PCDHGA4: variants seen among roughly 807,000 people sequenced by gnomAD.
PCDHGA4 encodes the protein protocadherin gamma-A4.
PCDHGA4 carries 38 observed loss-of-function variants against 54.6 expected under a neutral mutation model. The observed-to-expected ratio is 0.70, with a 90% CI of 0.54 to 0.91. The LOEUF (loss-of-function observed/expected upper bound fraction) is 0.91. Among genes scored for constraint, PCDHGA4 ranks in the 40% least tolerant of loss-of-function variants. PCDHGA4 has a pLI of 0.00. For synonymous variants in PCDHGA4, 511 were observed against 512.9 expected (o/e 1.00, Z 0.05); for missense variants, 1,298 against 1,220.9 (o/e 1.06, Z -0.94).
chr5:141,361,602 C>T, intron 1 of PCDHGA4: 1 of 1,614,054 alleles, frequency 6.2e-7, no homozygotes. Context: ...AAGTTTCCTA[C>T]TCCATCGTAG....
intron 1 of PCDHGA4, chr5:141,414,780 G>A (rs2095787223): frequency 1.2e-6 from 2 of 1,614,232 alleles, no homozygotes; most frequent in Non-Finnish European, 1.7e-6. Context: ...TACAGATGCA[G>A]GTGACAGCCA....
At position 141,373,421 on chromosome 5, in the gene PCDHGA4, G is replaced by A. The variant is rs139166526; in HGVS notation, c.2514+15800G>A. The stretch of plus-strand genomic sequence containing the variant: ...GCCTGTAGTCCCAGCTACTCGGGAG[G>A]CTGAGGTGGGAGGATCCCTTGATCC... On this transcript the variant is annotated intron_variant, in intron 1 of 3. Transcript: ENST00000571252. 4.0e-3 allele frequency among the ~76,000 whole-genome samples: 615 copies of A among 152,344 alleles called. 6 individuals carry two copies. The highest frequency in any genetic ancestry group is 0.011 in the Admixed American group (171 of 15,306).
intron 1 of PCDHGA4, chr5:141,423,755 G>T (rs1236551808): frequency 9.8e-6 from 5 of 512,508 alleles, no homozygotes; most frequent in Non-Finnish European, 1.3e-5. Flanking sequence ...CTGTTTGGGG[G>T]GGGGGTGGGG....
In PCDHGA4 at chr5:141,486,184, A is replaced by G. The variant is rs2099625756; in HGVS notation, c.2515-8623A>G. 8 of 1,614,014 alleles carry G rather than the reference A, an allele frequency of 5.0e-6. No homozygotes were observed. Among genetic ancestry groups the G allele is most frequent in the Non-Finnish European group, 6.8e-6 (8 of 1,180,026 alleles). On this transcript the variant is annotated intron_variant, in intron 1 of 3. Transcript: ENST00000571252. This position sits in a 1 kb window ranked among gnomAD's most constrained non-coding sequence, Gnocchi z 5.0. ...CCATGGAGCAACATTGCAGCCTTCG[A>G]GTGGATCTGCTGGACGTAAATGACA...
intron 1 of PCDHGA4, chr5:141,389,423 C>T: frequency 1.9e-6 from 3 of 1,613,516 alleles, no homozygotes; most frequent in Admixed American, 1.7e-5. Context: ...GGGTGGTGTT[C>T]GCGCAGCGCG....
chr5:141,394,329 T>C (rs769172287), intron 1 of PCDHGA4: 6 of 1,613,980 alleles, frequency 3.7e-6, no homozygotes, highest in Non-Finnish European at 5.1e-6. Context: ...CTCGTATATC[T>C]CCATCAACTC....
At chr5:141,393,971 A>G (rs769025757) in intron 1 of PCDHGA4, 3 of 1,613,904 alleles carry the variant, frequency 1.9e-6, no homozygotes, top group Non-Finnish European at 2.5e-6. Flanking sequence ...TCTGTTACAC[A>G]CGTGATAATT....
rs1416883218 is a variant in PCDHGA4, at chr5:141,428,027, G to A, written c.2515-66780G>A. On this transcript the variant is annotated intron_variant, in intron 1 of 3. Coordinates refer to ENST00000571252, the MANE Select transcript of PCDHGA4 (RefSeq NM_018917.4). ...TCGATATAGTGCCACGCGCCGCAGAGTCCGGCTACCTGGTGACCAAGGTGG... is the reference window on the plus strand; with the variant it reads ...TCGATATAGTGCCACGCGCCGCAGAATCCGGCTACCTGGTGACCAAGGTGG... 1.9e-6 allele frequency: 3 copies of A among 1,606,742 alleles called. No homozygotes were observed. The Admixed American group carries it at 5.0e-5, about 27-fold the overall frequency.
At chr5:141,425,381 A>C (rs1374877185) in intron 1 of PCDHGA4, among the ~76,000 whole-genome samples, 3 of 152,194 alleles carry the variant, frequency 2.0e-5, no homozygotes, top group African/African-American at 7.2e-5. Flanking sequence ...GTTGATTCGG[A>C]GGTAGTGATA....
chr5:141,370,709 A>G lies in PCDHGA4; in HGVS notation c.2514+13088A>G, dbSNP rs759693672. On this transcript the variant is annotated intron_variant, in intron 1 of 3. Coordinates refer to ENST00000571252, the MANE Select transcript of PCDHGA4 (RefSeq NM_018917.4). ...GCAAGAAGTCGACGTGTGTTCTGGA[A>G]TTTGAAATGGTTGCTGAAAAGCCTT... 3 of 1,613,738 alleles carry G rather than the reference A, an allele frequency of 1.9e-6. No individual in the cohort carries two copies. The African/African-American group carries it at 4.0e-5, about 22-fold the overall frequency.
Position 141,438,619 on chromosome 5 carries a change from T to C in PCDHGA4, c.2515-56188T>C, listed in dbSNP as rs1053855444. Reference sequence around the variant, plus strand: ...ATATATATATATATATATATATATATATATATATATATATATACACACACA... The same window carrying C: ...ATATATATATATATATATATATATACATATATATATATATATACACACACA... On this transcript the variant is annotated intron_variant, in intron 1 of 3. Transcript: ENST00000571252. 1.0e-4 allele frequency among the ~76,000 whole-genome samples: 4 copies of C among 39,678 alleles called. No homozygotes were observed. The East Asian group carries it at 2.5e-3, about 25-fold the overall frequency. The allele number at this position is 39,678 out of a possible 152,430, so 26.0% of individuals were successfully genotyped here.
At position 141,476,001 on chromosome 5, in the gene PCDHGA4, C is replaced by A. The variant is rs989369008; in HGVS notation, c.2515-18806C>A. On this transcript the variant is annotated intron_variant, in intron 1 of 3. Coordinates refer to ENST00000571252, the MANE Select transcript of PCDHGA4 (RefSeq NM_018917.4). This position sits in a 1 kb window ranked among gnomAD's most constrained non-coding sequence, Gnocchi z 7.6. ...CAGCCGGCGAGCAAATCAACGGCAT[C>A]CAGAAAGCCATGTCGGACTCGGCGC... The A allele has an allele frequency of 5.7e-5, 70 of 1,235,226 alleles. No homozygotes were observed. In the Middle Eastern group the frequency reaches 8.6e-4, roughly 15 times the overall value. The allele number at this position is 1,235,226 out of a possible 1,614,324, so 76.5% of individuals were successfully genotyped here. A position where few individuals can be genotyped will look rare whatever the true frequency, so the allele number is the denominator to read the frequency against.
chr5:141,472,980 C>CAAAAAAAAAAAAAAA (rs60579131), intron 1 of PCDHGA4, among the ~76,000 whole-genome samples: 13 of 86,076 alleles, frequency 1.5e-4, no homozygotes, highest in African/African-American at 1.9e-4. Context: ...GAGTGAAACT[C>CAAAAAAAAAAAAAAA]AAAAAAAAAA....
At chr5:141,415,473 C>T in intron 1 of PCDHGA4, 2 of 1,614,224 alleles carry the variant, frequency 1.2e-6, no homozygotes, top group Non-Finnish European at 1.7e-6. Flanking sequence ...TCACCGCGGA[C>T]TCGCGAAAGA....
intron 1 of PCDHGA4, chr5:141,376,624 A>C (rs1350295838): frequency 7.4e-6 from 10 of 1,343,058 alleles, no homozygotes; most frequent in Non-Finnish European, 9.1e-6. Context: ...TTGGTACAGG[A>C]AGATTCGTGA....
At chr5:141,430,841 T>C (rs757539834) in intron 1 of PCDHGA4, 1 of 1,566,462 alleles carries the variant, frequency 6.4e-7, no homozygotes, top group South Asian at 1.2e-5. Flanking sequence ...GGAGACCGGA[T>C]GCACCCAGAT....
rs1432960207 is a variant in PCDHGA4, at chr5:141,477,648, C to A, written c.2515-17159C>A. On this transcript the variant is annotated intron_variant, in intron 1 of 3. Coordinates refer to ENST00000571252, the MANE Select transcript of PCDHGA4 (RefSeq NM_018917.4). This position sits in a 1 kb window ranked among gnomAD's most constrained non-coding sequence, Gnocchi z 4.9. ...ACCGGGCTAGTGGGTCGCTATTTCA[C>A]AATAAATCGTGACAATGGCATAGTG... is the stretch of plus-strand genomic sequence containing the variant. 7 of 1,614,046 alleles carry A rather than the reference C, an allele frequency of 4.3e-6. No homozygotes were observed. Among genetic ancestry groups the A allele is most frequent in the Non-Finnish European group, 5.9e-6 (7 of 1,180,044 alleles).
chr5:141,440,883 T>C (rs1435173649), intron 1 of PCDHGA4: 4 of 152,178 alleles, frequency 2.6e-5, no homozygotes, highest in Non-Finnish European at 5.9e-5. Flanking sequence ...AGCGTCGGCC[T>C]TCAGGAAGAT....
intron 1 of PCDHGA4, chr5:141,374,678 A>C (rs753625335): frequency 1.2e-6 from 2 of 1,610,496 alleles, no homozygotes; most frequent in Admixed American, 1.7e-5. Flanking sequence ...GCTGGAGGGC[A>C]CACTGGACCG....
Sources: allele counts gnomAD v4.1 joint callset (sites outside exome capture counted in the v4.1 genomes callset), GRCh38; gene constraint gnomAD v4.1.1; non-coding constraint Gnocchi (gnomAD v3.1); transcripts MANE v1.5; gene names NCBI Gene and HGNC (gene_info 2026-07-23, HGNC 2026-07-21).